The following OIT3 variants were observed in gnomAD, a reference collection of about 807,000 sequenced individuals.
OIT3 encodes oncoprotein-induced transcript 3 protein.
In OIT3, 41 loss-of-function variants were observed where a neutral mutation model predicts 52.2. That is an observed-to-expected ratio of 0.79 (90% CI 0.61 to 1.02). The LOEUF (loss-of-function observed/expected upper bound fraction) is 1.02. Among genes scored for constraint, OIT3 ranks in the 50% least tolerant of loss-of-function variants. OIT3 has a pLI of 0.00. For synonymous variants in OIT3, 244 were observed against 276.9 expected, an observed-to-expected ratio of 0.88 and a Z score of 1.18; for missense variants, 634 against 715.5, an observed-to-expected ratio of 0.89 and a Z score of 1.30.
intron 7 of OIT3, among the ~76,000 whole-genome samples, chr10:72,925,324 A>G (rs1846161106): frequency 6.6e-6 from 1 of 152,152 alleles, no homozygotes. Flanking sequence ...TTCAGTGGAA[A>G]TGCATTATCA....
intron 7 of OIT3, among the ~76,000 whole-genome samples, chr10:72,926,854 ATAACT>A (rs936440490): frequency 6.6e-6 from 1 of 152,176 alleles, no homozygotes; most frequent in African/African-American, 2.4e-5. Flanking sequence ...TTTTTAAAAA[ATAACT>A]TTAGTAGAGT....
In OIT3 at chr10:72,893,794, G is replaced by C. The variant is rs748676666; in HGVS notation, c.-5G>C. On this transcript the variant is annotated 5_prime_UTR_variant, in exon 1 of 9. Coordinates refer to ENST00000334011, the MANE Select transcript of OIT3 (RefSeq NM_152635.3). ...TCCAGTGTTTCTGGCAGTTGGTCCA[G>C]AAGGATGCCTCCATTCCTGCTTCTC... is the stretch of plus-strand genomic sequence containing the variant. 1 of 1,609,154 alleles carries C rather than the reference G, an allele frequency of 6.2e-7. No individual in the cohort carries two copies. The highest frequency in any genetic ancestry group is 1.1e-5 in the South Asian group (1 of 89,856).
intron 2 of OIT3, 48 bp from the exon 3 acceptor site, chr10:72,900,329 G>T: frequency 3.2e-6 from 3 of 928,448 alleles, no homozygotes; most frequent in Non-Finnish European, 5.2e-6. Flanking sequence ...ATGAAAGAGT[G>T]TCTTCTGGTC....
intron 6 of OIT3, among the ~76,000 whole-genome samples, chr10:72,919,932 G>C (rs1846107499): frequency 6.6e-6 from 1 of 152,154 alleles, no homozygotes; most frequent in Non-Finnish European, 1.5e-5. Flanking sequence ...GTCTCTGCCA[G>C]ATTTTGGTTC....
chr10:72,910,693 C>T (rs558562730), intron 4 of OIT3, among the ~76,000 whole-genome samples: 7 of 152,314 alleles, frequency 4.6e-5, no homozygotes, highest in Non-Finnish European at 1.0e-4. Flanking sequence ...CAGCTTTTCT[C>T]TTTACCTGAG....
chr10:72,924,170 A>G (rs1846145833), intron 6 of OIT3, 59 bp from the exon 7 acceptor site: 1 of 1,457,618 alleles, frequency 6.9e-7, no homozygotes, highest in Non-Finnish European at 9.3e-7. Context: ...GGAGGGGGAA[A>G]AAAAACTGTA....
Position 72,924,446 on chromosome 10 carries a change from C to T in OIT3, c.1169C>T (p.Thr390Ile), listed in dbSNP as rs1219047353. 4 of 1,614,106 alleles carry T rather than the reference C, an allele frequency of 2.5e-6. No homozygotes were observed. The highest frequency in any genetic ancestry group is 3.4e-6 in the Non-Finnish European group (4 of 1,179,964). ...CGAAATCATGGGATCTTCCCATTCA[C>T]TCTGGAGATCTTCAAGGACAATGAG... is the stretch of plus-strand genomic sequence containing the variant. The part of the protein sequence containing the change: ...MSRNHGIFPF[T>I]LEIFKDNEFE... The change falls in exon 7 of 9, where the codon ACT becomes ATT. Residue 390 changes from threonine (T) to isoleucine (I), a missense_variant. Coordinates refer to ENST00000334011, the MANE Select transcript of OIT3 (RefSeq NM_152635.3).
intron 8 of OIT3, 40 bp downstream of exon 8, chr10:72,930,677 GC>G (rs1846208864): frequency 1.0e-6 from 1 of 952,982 alleles, no homozygotes; most frequent in Non-Finnish European, 1.6e-6. Context: ...CTGAACCTGA[GC>G]CTTTTTTTTT....
intron 3 of OIT3, among the ~76,000 whole-genome samples, chr10:72,903,155 C>T (rs1480872920): frequency 1.3e-5 from 2 of 152,112 alleles, no homozygotes; most frequent in Non-Finnish European, 2.9e-5. Context: ...AGGCAGCATA[C>T]AAGAAAATAA....
At chr10:72,926,881 A>G (rs1366374672) in intron 7 of OIT3, among the ~76,000 whole-genome samples, 1 of 152,194 alleles carries the variant, frequency 6.6e-6, no homozygotes, top group Non-Finnish European at 1.5e-5. Context: ...CTATTCACAT[A>G]CAATAAATAG....
rs774714278 is a variant in OIT3, at chr10:72,932,495, G to A, written c.1609G>A (p.Gly537Ser). Residue 537 changes from glycine to serine, a missense_variant, in exon 9 of 9, where the codon GGC becomes AGC. Transcript: ENST00000334011. ...AGLQGQTLTG[G>S]PIRIDWED is the part of the protein sequence containing the mutation. The stretch of plus-strand genomic sequence containing the variant: ...TCTACAGGGCCAGACGCTAACAGGC[G>A]GCCCGATCCGCATCGACTGGGAGGA... 1.7e-5 allele frequency: 28 copies of A among 1,611,374 alleles called. No homozygotes were observed. In the Admixed American group the frequency reaches 2.7e-4, roughly 15 times the overall value.
rs1264918754 is a variant in OIT3, at chr10:72,932,357, G to T, written c.1471G>T (p.Val491Leu). 6.2e-7 allele frequency: 1 copy of T among 1,614,074 alleles called. No individual in the cohort carries two copies. Among genetic ancestry groups the T allele is most frequent in the African/African-American group, 1.3e-5 (1 of 74,948 alleles). Reference sequence around the variant, plus strand: ...ACAGTCGTGATCATCTCTTCAGGAAGTGTTTCTGCACTGCCGGGTTCTTGT... The same window carrying T: ...ACAGTCGTGATCATCTCTTCAGGAATTGTTTCTGCACTGCCGGGTTCTTGT... ...FKFVGKDHKE[V>L]FLHCRVLVCG... Residue 491 changes from valine to leucine, a missense_variant, in exon 9 of 9, where the codon GTG becomes TTG. Coordinates refer to ENST00000334011, the MANE Select transcript of OIT3 (RefSeq NM_152635.3).
chr10:72,928,080 T>C (rs1298397787), intron 7 of OIT3, among the ~76,000 whole-genome samples: 2 of 152,198 alleles, frequency 1.3e-5, no homozygotes, highest in African/African-American at 4.8e-5. Flanking sequence ...TGTTTGATTA[T>C]TCATTTCTTT....
chr10:72,909,804 T>C (rs943626484), intron 4 of OIT3, among the ~76,000 whole-genome samples: 1 of 152,010 alleles, frequency 6.6e-6, no homozygotes, highest in African/African-American at 2.4e-5. Flanking sequence ...TTCACCATGT[T>C]AGCCAGGATG....
chr10:72,920,808 G>A (rs937795831), intron 6 of OIT3, among the ~76,000 whole-genome samples: 1 of 152,128 alleles, frequency 6.6e-6, no homozygotes, highest in Non-Finnish European at 1.5e-5. Flanking sequence ...TATGATTTCA[G>A]TTCTTTTGCA....
At chr10:72,897,010 C>CTATT (rs994150011) in intron 1 of OIT3, among the ~76,000 whole-genome samples, 6 of 152,100 alleles carry the variant, frequency 3.9e-5, no homozygotes, top group South Asian at 2.1e-4. Context: ...TGTTGTTTTT[C>CTATT]TATTTATTTA....
chr10:72,915,585 G>A (rs55837563), intron 6 of OIT3, among the ~76,000 whole-genome samples: 6,008 of 152,094 alleles, frequency 0.04, 409 homozygotes, highest in African/African-American at 0.14. Context: ...CAGCAGCACC[G>A]CAACTCATGT....
chr10:72,899,067 C>T, intron 2 of OIT3, 29 bp downstream of exon 2: 1 of 1,566,228 alleles, frequency 6.4e-7, no homozygotes, highest in South Asian at 1.2e-5. Flanking sequence ...CTCTTTTTCT[C>T]CACCAACAAG....
chr10:72,894,706 C>T (rs1181193770), intron 1 of OIT3, among the ~76,000 whole-genome samples: 1 of 151,982 alleles, frequency 6.6e-6, no homozygotes, highest in Non-Finnish European at 1.5e-5. Context: ...GGTGAAACTC[C>T]GTCTCTACTA....
Sources: allele counts gnomAD v4.1 joint callset (sites outside exome capture counted in the v4.1 genomes callset), GRCh38; gene constraint gnomAD v4.1.1; transcripts MANE v1.5; gene names NCBI Gene and HGNC (gene_info 2026-07-23, HGNC 2026-07-21).